Variants in ARID5B observed in about 807,000 individuals in gnomAD.
ARID5B encodes AT-rich interaction domain 5B.
A neutral mutation model predicts 97.2 loss-of-function variants in ARID5B; 13 were observed. The observed-to-expected ratio is 0.13, with a 90% CI of 0.09 to 0.21. The LOEUF is 0.21. Ranked by LOEUF, ARID5B falls within the 10% of genes least tolerant of loss-of-function variation. The pLI is 1.00. For missense variants in ARID5B, 1,210 were observed against 1,465.3 expected (o/e 0.83, Z 2.84); for synonymous variants, 556 against 570.3 (o/e 0.97, Z 0.36).
rs1229577101 is a variant in ARID5B, at chr10:62,092,691, T to A, written c.3228T>A (p.Pro1076=). Residue 1076 remains proline, a synonymous_variant, in exon 10 of 10, where the codon CCT becomes CCA. Coordinates refer to ENST00000279873, the MANE Select transcript of ARID5B (RefSeq NM_032199.3). ...SEGHKLPLSS[P]IFPGLYSGSL... ...GCCACAAGCTTCCCCTCTCCTCCCC[T>A]ATCTTCCCAGGTCTGTATTCCGGGA... 4 of 1,613,936 alleles carry A rather than the reference T, an allele frequency of 2.5e-6. No individual in the cohort carries two copies. Among genetic ancestry groups the A allele is most frequent in the Non-Finnish European group, 3.4e-6 (4 of 1,179,990 alleles).
intron 3 of ARID5B, among the ~76,000 whole-genome samples, chr10:61,983,400 AT>A (rs1838803287): frequency 6.6e-6 from 1 of 152,190 alleles, no homozygotes; most frequent in South Asian, 2.1e-4. Context: ...AAAATGTAAT[AT>A]TTGCTGGTAT....
intron 4 of ARID5B, among the ~76,000 whole-genome samples, chr10:62,015,768 T>C (rs996214134): frequency 3.9e-5 from 6 of 151,990 alleles, no homozygotes; most frequent in Admixed American, 3.3e-4. Flanking sequence ...GGACTACAGG[T>C]GCCCACCACC....
chr10:61,956,341 C>G (rs1838391444), intron 3 of ARID5B, among the ~76,000 whole-genome samples: 1 of 152,308 alleles, frequency 6.6e-6, no homozygotes, highest in East Asian at 1.9e-4. Context: ...TGAGGTGGAA[C>G]AGTTTCATCC....
intron 4 of ARID5B, among the ~76,000 whole-genome samples, chr10:62,016,747 AT>A (rs1301342756): frequency 2.6e-5 from 4 of 152,174 alleles, no homozygotes; most frequent in African/African-American, 9.7e-5. Context: ...ATATTTTGGC[AT>A]TGTCCTCTGA....
intron 3 of ARID5B, among the ~76,000 whole-genome samples, chr10:61,946,671 C>G (rs893319353): frequency 3.9e-5 from 6 of 152,112 alleles, no homozygotes; most frequent in African/African-American, 1.4e-4. Context: ...ACCTGTAATC[C>G]CAAAACTTTG....
rs118181496 is a variant in ARID5B at position 62,030,964 on chromosome 10, G to A, written c.734-19924G>A. 6.2e-3 allele frequency among the ~76,000 whole-genome samples: 939 copies of A among 152,290 alleles called. 22 individuals are homozygous for A. The highest frequency in any genetic ancestry group is 0.043 in the Admixed American group (655 of 15,302). Reference sequence around the variant, plus strand: ...GAGTAAAGAGGTTTGAGCTGGGTGCGGTGGCTCACACCTGTAATCCCAGCA... The same window carrying A: ...GAGTAAAGAGGTTTGAGCTGGGTGCAGTGGCTCACACCTGTAATCCCAGCA... On this transcript the variant is annotated intron_variant, in intron 4 of 9. Transcript: ENST00000279873.
chr10:62,082,682 A>G (rs752737656), intron 8 of ARID5B, among the ~76,000 whole-genome samples: 7 of 152,216 alleles, frequency 4.6e-5, no homozygotes, highest in Non-Finnish European at 7.3e-5. Flanking sequence ...TTTTAATGGT[A>G]CCACATGTAC....
chr10:62,008,153 C>G (rs1001672618), intron 4 of ARID5B, among the ~76,000 whole-genome samples: 2 of 149,996 alleles, frequency 1.3e-5, no homozygotes, highest in Non-Finnish European at 2.9e-5. Context: ...TTATTCACAG[C>G]CATGTGTGCA....
chr10:62,040,173 T>C (rs1177620408), intron 4 of ARID5B, among the ~76,000 whole-genome samples: 1 of 152,202 alleles, frequency 6.6e-6, no homozygotes, highest in Non-Finnish European at 1.5e-5. Context: ...TCTTCTCCAG[T>C]CTGTTGTCAA....
intron 8 of ARID5B, among the ~76,000 whole-genome samples, chr10:62,078,813 C>G (rs934958027): frequency 2.6e-5 from 4 of 152,134 alleles, no homozygotes; most frequent in Non-Finnish European, 4.4e-5. Flanking sequence ...TTAGGGAGAC[C>G]ATGGGAAGCT....
intron 3 of ARID5B, among the ~76,000 whole-genome samples, chr10:61,953,395 G>A (rs1177235359): frequency 6.6e-6 from 1 of 152,128 alleles, no homozygotes; most frequent in African/African-American, 2.4e-5. Context: ...CGTGATGGCT[G>A]TGTGTATAAA....
At chr10:61,950,055 A>T (rs1446206885) in intron 3 of ARID5B, among the ~76,000 whole-genome samples, 1 of 152,066 alleles carries the variant, frequency 6.6e-6, no homozygotes. Context: ...TCACCCAGGC[A>T]GGAGTGCAGT....
chr10:62,003,154 G>T (rs1358653384), intron 4 of ARID5B, among the ~76,000 whole-genome samples: 1 of 152,128 alleles, frequency 6.6e-6, no homozygotes, highest in African/African-American at 2.4e-5. Flanking sequence ...ATGGAGTAGG[G>T]GGTGGGAGGA....
chr10:61,929,205 G>A (rs1231129269), intron 2 of ARID5B, among the ~76,000 whole-genome samples: 3 of 152,136 alleles, frequency 2.0e-5, no homozygotes, highest in African/African-American at 7.2e-5. Flanking sequence ...AATTTATTTA[G>A]CTAATACCTC....
intron 4 of ARID5B, among the ~76,000 whole-genome samples, chr10:62,018,312 C>A (rs1839309975): frequency 1.3e-5 from 2 of 152,110 alleles, no homozygotes; most frequent in Non-Finnish European, 2.9e-5. Flanking sequence ...CTCTTAATGG[C>A]CCTTGGAAAG....
intron 4 of ARID5B, among the ~76,000 whole-genome samples, chr10:62,026,217 G>A (rs1839419173): frequency 6.6e-6 from 1 of 152,236 alleles, no homozygotes; most frequent in Non-Finnish European, 1.5e-5. Context: ...GCCAAATGGA[G>A]TGAGCTGAAA....
intron 4 of ARID5B, among the ~76,000 whole-genome samples, chr10:62,040,664 A>G (rs1284329984): frequency 2.6e-5 from 4 of 152,222 alleles, no homozygotes; most frequent in African/African-American, 9.6e-5. Flanking sequence ...TAATTTTAAT[A>G]ATATATTTTA....
chr10:61,923,607 C>A (rs2393786), intron 2 of ARID5B, among the ~76,000 whole-genome samples: 4 of 152,082 alleles, frequency 2.6e-5, no homozygotes, highest in South Asian at 2.1e-4. Context: ...CCATCTCCCC[C>A]ACCTTGGCTG....
rs1014137938 is a variant in ARID5B, at chr10:62,094,717, CTCCCCAAG to C, written c.*1692_*1699del. 2 of 231,504 alleles carry C rather than the reference CTCCCCAAG, an allele frequency of 8.6e-6. No homozygotes were observed. The highest frequency in any genetic ancestry group is 1.2e-3 in the Middle Eastern group (1 of 802). The allele number at this position is 231,504 out of a possible 1,614,324, so 14.3% of individuals were successfully genotyped here. A position where few individuals can be genotyped will look rare whatever the true frequency, so the allele number is the denominator to read the frequency against. On this transcript the variant is annotated 3_prime_UTR_variant, in exon 10 of 10. Coordinates refer to ENST00000279873, the MANE Select transcript of ARID5B (RefSeq NM_032199.3). Reference sequence around the variant, plus strand: ...TCAATGGATACAGAGAGTGGATTTTCTCCCCAAGTCCCATCCCTGCTGAAGACCGCTTG... The same window carrying C: ...TCAATGGATACAGAGAGTGGATTTTCTCCCATCCCTGCTGAAGACCGCTTG...
Sources: allele counts gnomAD v4.1 joint callset (sites outside exome capture counted in the v4.1 genomes callset), GRCh38; gene constraint gnomAD v4.1.1; transcripts MANE v1.5; gene names NCBI Gene and HGNC (gene_info 2026-07-23, HGNC 2026-07-21).